Variants in XIAP observed in about 807,000 individuals in gnomAD.
XIAP encodes X-linked inhibitor of apoptosis.
A neutral mutation model predicts 33.1 loss-of-function variants in XIAP; 3 were observed. The observed-to-expected ratio is 0.09, with a 90% CI of 0.04 to 0.23. The LOEUF (loss-of-function observed/expected upper bound fraction) is 0.23, where lower values mean the gene tolerates loss of function less well. Among genes scored for constraint, XIAP ranks in the 10% least tolerant of loss-of-function variants. The pLI, the probability that XIAP is intolerant of heterozygous loss-of-function variation, is 1.00. For synonymous variants in XIAP, 98 were observed against 121.3 expected (o/e 0.81, Z 1.26); for missense variants, 264 against 363.0 (o/e 0.73, Z 2.22).
chrX:123,860,601 A>G (rs970917161), intron 1 of XIAP: 7 of 244,651 alleles, frequency 2.9e-5, no homozygotes, highest in Non-Finnish European at 5.4e-5. Context: ...TTTCCTCCCC[A>G]TGTGATAACC....
At chrX:123,860,744 C>T (rs1187470547) in intron 1 of XIAP, among the ~76,000 whole-genome samples, 1 of 111,464 alleles carries the variant, frequency 9.0e-6, no homozygotes, top group African/African-American at 3.3e-5. Flanking sequence ...GTCACCTTTC[C>T]GGCATGTTCT....
chrX:123,900,196 G>T (rs2053503050), intron 5 of XIAP, among the ~76,000 whole-genome samples: 1 of 111,781 alleles, frequency 8.9e-6, no homozygotes, highest in African/African-American at 3.2e-5. Context: ...ATTCAAAACA[G>T]TTCAGATTTT....
chrX:123,898,445 C>T (rs1377683010), intron 5 of XIAP, among the ~76,000 whole-genome samples: 2 of 111,592 alleles, frequency 1.8e-5, no homozygotes, highest in Non-Finnish European at 3.8e-5. Flanking sequence ...TCACCGCAAC[C>T]TCCACCTCCG....
intron 3 of XIAP, among the ~76,000 whole-genome samples, chrX:123,889,124 C>G (rs2053381191): frequency 1.1e-5 from 1 of 94,448 alleles, no homozygotes; most frequent in Non-Finnish European, 2.1e-5. Context: ...TGGAGTCTCA[C>G]TCTGTTGCCA....
In XIAP at chrX:123,910,952, G is replaced by A. The variant is rs369550266; in HGVS notation, c.*3771G>A. On this transcript the variant is annotated 3_prime_UTR_variant, in exon 7 of 7. Transcript: ENST00000371199. ...GTCAAATCTACTTGTTAAAAAAAGGGTAGCAGTTTATTCATCTGTGAAAGG... is the reference window on the plus strand; with the variant it reads ...GTCAAATCTACTTGTTAAAAAAAGGATAGCAGTTTATTCATCTGTGAAAGG... 6.1e-6 allele frequency: 2 copies of A among 326,277 alleles called. No homozygotes were observed. The highest frequency in any genetic ancestry group is 5.9e-6 in the Non-Finnish European group (1 of 169,474). The allele number at this position is 326,277 out of a possible 1,213,427, so 26.9% of individuals were successfully genotyped here.
chrX:123,880,668 C>T (rs1042291270), intron 1 of XIAP, among the ~76,000 whole-genome samples: 2 of 97,367 alleles, frequency 2.1e-5, no homozygotes, highest in Admixed American at 1.3e-4. Context: ...ACCTGGGAGG[C>T]GGAGGTTGCA....
At chrX:123,862,828 C>T (rs1026823688) in intron 1 of XIAP, among the ~76,000 whole-genome samples, 7 of 109,115 alleles carry the variant, frequency 6.4e-5, no homozygotes, top group Non-Finnish European at 5.7e-5. Flanking sequence ...GTACTCCAGC[C>T]TGGGTGACAA....
intron 1 of XIAP, among the ~76,000 whole-genome samples, chrX:123,874,156 A>G (rs1383857196): frequency 8.9e-6 from 1 of 111,857 alleles, no homozygotes; most frequent in Non-Finnish European, 1.9e-5. Context: ...GGGAGGAAGC[A>G]TTGTCACATG....
At chrX:123,871,998 G>T (rs759683261) in intron 1 of XIAP, among the ~76,000 whole-genome samples, 185 of 110,875 alleles carry the variant, frequency 1.7e-3, no homozygotes, top group Non-Finnish European at 2.3e-3. Flanking sequence ...CTACTCTGGA[G>T]GCTAAGGCAC....
At chrX:123,867,253 A>G (rs1309769004) in intron 1 of XIAP, among the ~76,000 whole-genome samples, 1 of 103,839 alleles carries the variant, frequency 9.6e-6, no homozygotes, top group Non-Finnish European at 2.0e-5. Flanking sequence ...TTGTATTTTT[A>G]GTAGAGACGG....
rs189955778 is a variant in XIAP, at chrX:123,897,227, G to A, written c.1100-3266G>A. 1.6e-4 allele frequency among the ~76,000 whole-genome samples: 18 copies of A among 111,409 alleles called. No individual in the cohort carries two copies. In the East Asian group the frequency reaches 4.0e-3, roughly 25 times the overall value. ...ACAGGCGTGAGCCACCGTGCCCAGC[G>A]AAACATCTTTAATTTTTATGACATC... On this transcript the variant is annotated intron_variant, in intron 5 of 6. Coordinates refer to ENST00000371199, the MANE Select transcript of XIAP (RefSeq NM_001167.4).
intron 2 of XIAP, among the ~76,000 whole-genome samples, chrX:123,888,000 TAATTAATAAATAAATA>T (rs1258235868): frequency 5.1e-5 from 5 of 98,048 alleles, no homozygotes; most frequent in Admixed American, 3.3e-4. Flanking sequence ...AAAATAATAA[TAATTAATAAATAAATA>T]AATAAATAAA....
intron 1 of XIAP, chrX:123,879,181 A>T (rs1451213896): frequency 9.0e-6 from 1 of 110,762 alleles, no homozygotes; most frequent in African/African-American, 3.3e-5. Context: ...ACCATCCTGG[A>T]TATAGAGTCC....
chrX:123,884,007 T>C (rs780520609), intron 1 of XIAP, among the ~76,000 whole-genome samples: 1 of 112,190 alleles, frequency 8.9e-6, no homozygotes, highest in South Asian at 3.6e-4. Context: ...TTCCAAAAGT[T>C]TTATGCAGAT....
chrX:123,874,007 G>A (rs191846848), intron 1 of XIAP: 1 of 110,141 alleles, frequency 9.1e-6, no homozygotes, highest in Admixed American at 9.9e-5. Flanking sequence ...AAATTCTCAG[G>A]ATAGGCAAAA....
At chrX:123,896,579 CTTT>C (rs749486443) in intron 5 of XIAP, among the ~76,000 whole-genome samples, 6 of 97,265 alleles carry the variant, frequency 6.2e-5, no homozygotes, top group Non-Finnish European at 8.4e-5. Flanking sequence ...TGTGGGTTTC[CTTT>C]TTTTTTTTTT....
At chrX:123,894,346 A>G (rs972978444) in intron 5 of XIAP, among the ~76,000 whole-genome samples, 2 of 112,824 alleles carry the variant, frequency 1.8e-5, no homozygotes, top group African/African-American at 6.4e-5. Context: ...GGTCTTCTGA[A>G]TCCTACATCA....
rs916282450 is a variant in XIAP, at chrX:123,908,766, T to G, written c.*1585T>G. The G allele has an allele frequency of 8.7e-6, 3 of 344,687 alleles. No individual in the cohort carries two copies. The highest frequency in any genetic ancestry group is 1.6e-5 in the Non-Finnish European group (3 of 182,000). The allele number at this position is 344,687 out of a possible 1,213,427, so 28.4% of individuals were successfully genotyped here. On this transcript the variant is annotated 3_prime_UTR_variant, in exon 7 of 7. Transcript: ENST00000371199. The stretch of plus-strand genomic sequence containing the variant: ...TGTTTAAATATTTTTTAAAAAACAC[T>G]TGAATAAGAATCAGTAGGGTATAAA...
At chrX:123,891,144 A>G in intron 3 of XIAP, 94 bp from the exon 4 acceptor site, 1 of 439,675 alleles carries the variant, frequency 2.3e-6, no homozygotes, top group Non-Finnish European at 3.9e-6. Flanking sequence ...AAGCAAGTTA[A>G]TGGAATTAAT....
Sources: allele counts gnomAD v4.1 joint callset (sites outside exome capture counted in the v4.1 genomes callset), GRCh38; gene constraint gnomAD v4.1.1; transcripts MANE v1.5; gene names NCBI Gene and HGNC (gene_info 2026-07-23, HGNC 2026-07-21).